Variants in RAB3GAP1 observed in about 807,000 individuals in gnomAD.
RAB3GAP1 encodes rab3 GTPase-activating protein catalytic subunit.
A neutral mutation model predicts 130.7 loss-of-function variants in RAB3GAP1; 86 were observed. The observed-to-expected ratio is 0.66, with a 90% CI of 0.55 to 0.79. RAB3GAP1 has a LOEUF of 0.79. RAB3GAP1 is among the 30% of genes least tolerant of loss of function. RAB3GAP1 has a pLI of 0.00. For missense variants in RAB3GAP1, 1,029 were observed against 1,169.4 expected, an observed-to-expected ratio of 0.88 and a Z score of 1.75; for synonymous variants, 367 against 401.7, an observed-to-expected ratio of 0.91 and a Z score of 1.03.
At chr2:135,112,867 C>G (rs1309744716) in intron 5 of RAB3GAP1, among the ~76,000 whole-genome samples, 1 of 151,172 alleles carries the variant, frequency 6.6e-6, no homozygotes, top group East Asian at 1.9e-4. Flanking sequence ...CACACACACA[C>G]AGATGGGCAC....
chr2:135,173,583 A>G (rs1274746327), downstream of RAB3GAP1, among the ~76,000 whole-genome samples: 5 of 152,178 alleles, frequency 3.3e-5, no homozygotes, highest in Admixed American at 6.5e-5. Flanking sequence ...AGAATAGAGA[A>G]GGGGCTGCCT....
chr2:135,116,921 A>G (rs1280803064), intron 7 of RAB3GAP1, among the ~76,000 whole-genome samples: 3 of 152,206 alleles, frequency 2.0e-5, no homozygotes, highest in African/African-American at 7.2e-5. Flanking sequence ...TTTTAAATAG[A>G]TAACATTTGT....
At chr2:135,072,572 A>G (rs1473463757) in intron 3 of RAB3GAP1, among the ~76,000 whole-genome samples, 1 of 152,142 alleles carries the variant, frequency 6.6e-6, no homozygotes, top group Non-Finnish European at 1.5e-5. Flanking sequence ...ATTACATACA[A>G]TATTCTTTTT....
At chr2:135,117,555 T>TG (rs1558784340) in intron 7 of RAB3GAP1, among the ~76,000 whole-genome samples, 138 of 88,384 alleles carry the variant, frequency 1.6e-3, no homozygotes, top group African/African-American at 4.2e-3. Context: ...TTCTTCTTCT[T>TG]CTGCTTCTTC....
intron 13 of RAB3GAP1, 45 bp downstream of exon 13, chr2:135,130,766 T>C (rs1317844562): frequency 1.3e-6 from 2 of 1,533,218 alleles, no homozygotes; most frequent in Admixed American, 3.3e-5. Context: ...CAGAATCATT[T>C]ATTCATTATA....
chr2:135,058,309 GTATA>G (rs147304537), intron 3 of RAB3GAP1: 31 of 359,904 alleles, frequency 8.6e-5, no homozygotes, highest in Non-Finnish European at 1.1e-4. Flanking sequence ...ATGTGTGTGT[GTATA>G]TATATATATA....
Position 135,126,619 on chromosome 2 carries a change from T to TA in RAB3GAP1, c.937dup (p.Arg313LysfsTer6), listed in dbSNP as rs773859196. On this transcript the variant is annotated frameshift_variant, in exon 11 of 24. Transcript: ENST00000264158. LOFTEE classifies it high-confidence loss of function. Reference sequence around the variant, plus strand: ...CTATTCAAGCTCCACATTGGTCTGTTAGAGTTCGAAAAGCTGAGAATCCTC... The same window carrying TA: ...CTATTCAAGCTCCACATTGGTCTGTTAAGAGTTCGAAAAGCTGAGAATCCTC... 5.0e-6 allele frequency: 8 copies of TA among 1,613,432 alleles called. No individual in the cohort carries two copies. Among genetic ancestry groups the TA allele is most frequent in the Non-Finnish European group, 6.8e-6 (8 of 1,179,418 alleles).
intron 3 of RAB3GAP1, among the ~76,000 whole-genome samples, chr2:135,073,622 G>A (rs376817390): frequency 6.6e-6 from 1 of 152,170 alleles, no homozygotes; most frequent in Non-Finnish European, 1.5e-5. Flanking sequence ...GAGGCTGGGG[G>A]CTTATAAAAG....
At chr2:135,163,240 A>G (rs1692521968) in intron 22 of RAB3GAP1, 139 bp downstream of exon 22, 1 of 720,540 alleles carries the variant, frequency 1.4e-6, no homozygotes, top group South Asian at 1.5e-5. Flanking sequence ...AGAGACAGAA[A>G]TAATTATCAT....
At chr2:135,119,814 T>G (rs1691143579) in intron 7 of RAB3GAP1, among the ~76,000 whole-genome samples, 1 of 152,236 alleles carries the variant, frequency 6.6e-6, no homozygotes, top group South Asian at 2.1e-4. Context: ...GTATTGAATC[T>G]GCATTTCACA....
chr2:135,136,515 C>A, intron 17 of RAB3GAP1: 1 of 190,760 alleles, frequency 5.2e-6, no homozygotes, highest in South Asian at 9.3e-5. Flanking sequence ...TTTAGGTTTG[C>A]CATTTCTGTA....
chr2:135,127,126 C>T (rs1284045984), intron 11 of RAB3GAP1, among the ~76,000 whole-genome samples: 3 of 151,196 alleles, frequency 2.0e-5, no homozygotes, highest in African/African-American at 4.9e-5. Context: ...CCGCCCGCCT[C>T]GGCCTCCCAA....
intron 19 of RAB3GAP1, among the ~76,000 whole-genome samples, chr2:135,155,533 A>T (rs955319094): frequency 6.6e-6 from 1 of 152,126 alleles, no homozygotes; most frequent in Non-Finnish European, 1.5e-5. Flanking sequence ...TTATCATGGG[A>T]ACATCATAGA....
At position 135,126,234 on chromosome 2, in the gene RAB3GAP1, A is replaced by T; in HGVS notation, c.884A>T (p.Asp295Val). The T allele has an allele frequency of 6.2e-7, 1 of 1,612,810 alleles. No homozygotes were observed. The highest frequency in any genetic ancestry group is 8.5e-7 in the Non-Finnish European group (1 of 1,179,004). Residue 295 changes from aspartate (D) to valine (V), a missense_variant, in exon 10 of 24, where the codon GAT becomes GTT. Coordinates refer to ENST00000264158, the MANE Select transcript of RAB3GAP1 (RefSeq NM_012233.3). Reference sequence around the variant, plus strand: ...CATCTGACCGAAGGGATCATTGTGGATAATGATGTTTATTCGTAAGTATGT... The same window carrying T: ...CATCTGACCGAAGGGATCATTGTGGTTAATGATGTTTATTCGTAAGTATGT... The part of the protein sequence containing the change: ...WPHLTEGIIV[D>V]NDVYSDLDPI...
chr2:135,082,165 A>AATGAATGAATGAATGAATG (rs1558767033), intron 3 of RAB3GAP1, among the ~76,000 whole-genome samples: 10 of 102,722 alleles, frequency 9.7e-5, no homozygotes, highest in African/African-American at 4.3e-4. Context: ...ATGAATGAAT[A>AATGAATGAATGAATGAATG]AATAAATAAA....
chr2:135,126,623 G>C lies in RAB3GAP1; in HGVS notation c.940G>C (p.Val314Leu), dbSNP rs769070005. The change falls in exon 11 of 24, where the codon GTT (valine) becomes CTT (leucine). Residue 314 changes from valine (V) to leucine (L), a missense_variant. Transcript: ENST00000264158. The stretch of plus-strand genomic sequence containing the variant: ...TCAAGCTCCACATTGGTCTGTTAGA[G>C]TTCGAAAAGCTGAGAATCCTCAGTG... Reference protein sequence around the residue: ...PIQAPHWSVRVRKAENPQCLL... With the variant: ...PIQAPHWSVRLRKAENPQCLL... 6.2e-7 allele frequency: 1 copy of C among 1,613,234 alleles called. No individual in the cohort carries two copies. The highest frequency in any genetic ancestry group is 1.3e-5 in the African/African-American group (1 of 74,904).
intron 19 of RAB3GAP1, 26 bp from the exon 20 acceptor site, chr2:135,162,529 A>G (rs766801442): frequency 7.0e-6 from 11 of 1,581,760 alleles, no homozygotes; most frequent in Admixed American, 3.4e-5. Context: ...TGCGCTGATC[A>G]TTTGTGTGCG....
At chr2:135,079,361 G>A (rs1218789153) in intron 3 of RAB3GAP1, among the ~76,000 whole-genome samples, 1 of 152,026 alleles carries the variant, frequency 6.6e-6, no homozygotes, top group African/African-American at 2.4e-5. Context: ...TTTCTCATTT[G>A]TTTTTCTCCT....
At chr2:135,056,514 T>C (rs1689017086) in intron 2 of RAB3GAP1, among the ~76,000 whole-genome samples, 1 of 152,226 alleles carries the variant, frequency 6.6e-6, no homozygotes, top group Admixed American at 6.5e-5. Context: ...TTGTATATTT[T>C]CTTTTGATTG....
Sources: gnomAD v4.1 joint callset for allele counts (sites outside exome capture counted in the v4.1 genomes callset) on GRCh38, gnomAD v4.1.1 for gene constraint, MANE v1.5 for transcripts, NCBI Gene and HGNC (gene_info 2026-07-23, HGNC 2026-07-21) for gene names.